The following LRP1B variants were observed in gnomAD, a reference collection of about 807,000 sequenced individuals.
LRP1B encodes LDL receptor related protein 1B.
LRP1B carries 217 observed loss-of-function variants against 556.6 expected under a neutral mutation model. The observed-to-expected ratio is 0.39, with a 90% CI of 0.35 to 0.44. The LOEUF (loss-of-function observed/expected upper bound fraction) is 0.44, where lower values mean the gene tolerates loss of function less well. LRP1B is among the 20% of genes least tolerant of loss of function. The pLI is 1.00. For missense variants in LRP1B, 5,053 were observed against 5,620.8 expected, an observed-to-expected ratio of 0.90 and a Z score of 3.23; for synonymous variants, 2,047 against 1,865.8, an observed-to-expected ratio of 1.10 and a Z score of -2.50.
intron 3 of LRP1B, among the ~76,000 whole-genome samples, chr2:141,451,924 G>A (rs1303101290): frequency 1.3e-5 from 2 of 152,112 alleles, no homozygotes; most frequent in African/African-American, 4.8e-5. Flanking sequence ...GTTTTCCTTA[G>A]TGACCCTGTT....
At chr2:141,304,474 C>CTTT (rs1558992761) in intron 3 of LRP1B, among the ~76,000 whole-genome samples, 2 of 105,794 alleles carry the variant, frequency 1.9e-5, no homozygotes, top group African/African-American at 6.6e-5. Flanking sequence ...CAGTTTCATT[C>CTTT]ATTTTTTTTT....
intron 1 of LRP1B, among the ~76,000 whole-genome samples, chr2:142,106,574 A>C (rs1392820686): frequency 6.6e-6 from 1 of 152,176 alleles, no homozygotes; most frequent in Non-Finnish European, 1.5e-5. Flanking sequence ...TATGTCATTA[A>C]GATATAAAAT....
chr2:142,080,512 G>A (rs181512527), intron 1 of LRP1B, among the ~76,000 whole-genome samples: 1 of 150,046 alleles, frequency 6.7e-6, no homozygotes, highest in East Asian at 1.9e-4. Context: ...AGTAGCACAA[G>A]GGTTGAGTTT....
chr2:142,103,951 T>C (rs1251785390), intron 1 of LRP1B, among the ~76,000 whole-genome samples: 2 of 152,100 alleles, frequency 1.3e-5, no homozygotes, highest in Non-Finnish European at 2.9e-5. Flanking sequence ...AGTACTCTGG[T>C]GCATACTTGT....
chr2:141,474,827 G>C (rs1008020091), intron 3 of LRP1B, among the ~76,000 whole-genome samples: 30 of 152,212 alleles, frequency 2.0e-4, no homozygotes, highest in Middle Eastern at 6.8e-3. Flanking sequence ...TTGGGGGTGA[G>C]CTTTTCATAT....
At position 140,776,223 on chromosome 2, in the gene LRP1B, C is replaced by T. The variant is rs1689493644; in HGVS notation, c.5375G>A (p.Trp1792Ter). 1 of 1,593,356 alleles carries T rather than the reference C, an allele frequency of 6.3e-7. No individual in the cohort carries two copies. The highest frequency in any genetic ancestry group is 8.5e-7 in the Non-Finnish European group (1 of 1,170,892). ...ALTIMDKKLW[W>*]ADQNLAQLGT... Reference sequence around the variant, plus strand: ...TAGCTGGGCTAAGTTTTGGTCTGCCCACCACAGTTTCTTATCTAGAAAAAG... The same window carrying T: ...TAGCTGGGCTAAGTTTTGGTCTGCCTACCACAGTTTCTTATCTAGAAAAAG... The change falls in exon 33 of 91, where the codon TGG (tryptophan) becomes TAG (stop). Residue 1792 changes from tryptophan to a stop codon, truncating the protein, a stop_gained. Transcript: ENST00000389484. LOFTEE classifies it high-confidence loss of function.
At chr2:140,509,264 A>G (rs948767602) in intron 52 of LRP1B, among the ~76,000 whole-genome samples, 2 of 152,148 alleles carry the variant, frequency 1.3e-5, no homozygotes, top group Non-Finnish European at 2.9e-5. Flanking sequence ...TGACCTTGGG[A>G]TCTGCATTCA....
At chr2:141,081,308 A>G (rs1699916683) in intron 7 of LRP1B, among the ~76,000 whole-genome samples, 1 of 152,164 alleles carries the variant, frequency 6.6e-6, no homozygotes, top group Non-Finnish European at 1.5e-5. Flanking sequence ...GATGAGGAGT[A>G]ACTGCTACAC....
intron 78 of LRP1B, 60 bp downstream of exon 78, chr2:140,335,555 C>CA: frequency 1.0e-6 from 1 of 999,308 alleles, no homozygotes; most frequent in South Asian, 1.3e-5. Flanking sequence ...ATCTATAGAG[C>CA]ATAATTTCTA....
At chr2:140,704,572 A>C (rs1686760829) in intron 37 of LRP1B, among the ~76,000 whole-genome samples, 1 of 152,172 alleles carries the variant, frequency 6.6e-6, no homozygotes. Flanking sequence ...AAGATTTTTA[A>C]GACTTTAAGG....
At chr2:140,744,705 AG>A (rs1688260524) in intron 35 of LRP1B, among the ~76,000 whole-genome samples, 1 of 152,160 alleles carries the variant, frequency 6.6e-6, no homozygotes, top group African/African-American at 2.4e-5. Flanking sequence ...TCTAAAATGC[AG>A]CTGCTATAGA....
At chr2:141,225,941 C>A (rs1683228657) in intron 6 of LRP1B, among the ~76,000 whole-genome samples, 1 of 152,082 alleles carries the variant, frequency 6.6e-6, no homozygotes, top group Non-Finnish European at 1.5e-5. Flanking sequence ...GAGGGCCTGT[C>A]TTTGTAAGCC....
At chr2:141,098,338 A>G (rs1700371956) in intron 7 of LRP1B, among the ~76,000 whole-genome samples, 1 of 152,240 alleles carries the variant, frequency 6.6e-6, no homozygotes, top group Admixed American at 6.5e-5. Flanking sequence ...CCCTGCAATC[A>G]TCTTTGTAAA....
chr2:141,590,614 G>C lies in LRP1B; in HGVS notation c.206-110081C>G, dbSNP rs188419771. On this transcript the variant is annotated intron_variant, in intron 2 of 90. Coordinates refer to ENST00000389484, the MANE Select transcript of LRP1B (RefSeq NM_018557.3). ...GAGTGAAACAAGGCCCCAGTTCCTC[G>C]CACTCATCAGAAAGATTTTTCTCCC... Among the ~76,000 whole-genome samples the C allele has an allele frequency of 1.1e-4, 17 of 152,034 alleles. No individual in the cohort carries two copies. The South Asian group carries it at 3.3e-3, about 30-fold the overall frequency.
chr2:140,746,231 C>T (rs114181867), intron 35 of LRP1B, among the ~76,000 whole-genome samples: 5,475 of 152,188 alleles, frequency 0.036, 158 homozygotes, highest in Non-Finnish European at 0.052. Flanking sequence ...CTCTTCAGCA[C>T]TTTTTCAATC....
At chr2:141,222,142 C>T (rs1683072984) in intron 6 of LRP1B, among the ~76,000 whole-genome samples, 1 of 151,546 alleles carries the variant, frequency 6.6e-6, no homozygotes, top group Non-Finnish European at 1.5e-5. Context: ...AAATAGATAG[C>T]TAACTAGACT....
At chr2:141,515,494 T>C (rs1213121052) in intron 2 of LRP1B, among the ~76,000 whole-genome samples, 1 of 152,086 alleles carries the variant, frequency 6.6e-6, no homozygotes, top group Non-Finnish European at 1.5e-5. Context: ...TGGAAAACAT[T>C]GGTAATAAAA....
At chr2:140,753,815 A>G (rs968124240) in intron 35 of LRP1B, among the ~76,000 whole-genome samples, 2 of 152,054 alleles carry the variant, frequency 1.3e-5, no homozygotes, top group Non-Finnish European at 2.9e-5. Flanking sequence ...CACGACACCA[A>G]CTTTTCTCGT....
chr2:140,629,978 G>A (rs570397515), intron 41 of LRP1B, among the ~76,000 whole-genome samples: 1 of 152,308 alleles, frequency 6.6e-6, no homozygotes, highest in South Asian at 2.1e-4. Context: ...TTTCAACATG[G>A]CATAGCAAAT....
Sources: allele counts gnomAD v4.1 joint callset (sites outside exome capture counted in the v4.1 genomes callset), GRCh38; gene constraint gnomAD v4.1.1; transcripts MANE v1.5; gene names NCBI Gene and HGNC (gene_info 2026-07-23, HGNC 2026-07-21).